The following TEX36 variants were observed in gnomAD, a reference collection of about 807,000 sequenced individuals.
TEX36 encodes the protein testis expressed 36.
Under a neutral mutation model 13.6 loss-of-function variants are expected in TEX36, and 12 were observed. The ratio of observed to expected loss-of-function variants is 0.88; its 90% CI spans 0.56 to 1.43. TEX36 has a LOEUF of 1.43. TEX36 is among the 40% of genes most tolerant of loss of function. The probability of loss-of-function intolerance (pLI) is 0.00; values close to 1 mark genes in which losing one functional copy is unlikely to be tolerated. For missense variants in TEX36, 224 were observed against 228.3 expected (o/e 0.98, Z 0.12); for synonymous variants, 93 against 83.0 (o/e 1.12, Z -0.65).
At chr10:125,682,519 T>C (rs1847412695) in intron 1 of TEX36, among the ~76,000 whole-genome samples, 1 of 152,168 alleles carries the variant, frequency 6.6e-6, no homozygotes, top group Non-Finnish European at 1.5e-5. Flanking sequence ...CCTTCTATGC[T>C]CCAGATCCTG....
intron 3 of TEX36, among the ~76,000 whole-genome samples, chr10:125,583,385 G>T (rs1414651596): frequency 2.0e-5 from 3 of 151,444 alleles, no homozygotes; most frequent in Non-Finnish European, 4.4e-5. Flanking sequence ...TTTTCAAGAT[G>T]GTGCCTCTTG....
At chr10:125,579,740 G>C (rs576383935) in intron 3 of TEX36, among the ~76,000 whole-genome samples, 1 of 151,950 alleles carries the variant, frequency 6.6e-6, no homozygotes, top group African/African-American at 2.4e-5. Context: ...AGTGTGTGGC[G>C]CCTTCCCTTT....
chr10:125,652,449 A>T (rs1474584638), downstream of TEX36, among the ~76,000 whole-genome samples: 1 of 152,144 alleles, frequency 6.6e-6, no homozygotes, highest in Non-Finnish European at 1.5e-5. Context: ...GAAAGCTGAA[A>T]TGGATCTCTT....
In TEX36 at chr10:125,673,688, C is replaced by T. The variant is rs185338077; in HGVS notation, c.51+9251G>A. 6.0e-3 allele frequency among the ~76,000 whole-genome samples: 731 copies of T among 122,244 alleles called. 7 individuals are homozygous for T. Among genetic ancestry groups the T allele is most frequent in the African/African-American group, 0.021 (627 of 30,026 alleles). The allele number at this position is 122,244 out of a possible 152,430, so 80.2% of individuals were successfully genotyped here. On this transcript the variant is annotated intron_variant, in intron 1 of 3. Coordinates refer to ENST00000368821, the MANE Select transcript of TEX36 (RefSeq NM_001128202.3). The stretch of plus-strand genomic sequence containing the variant: ...TCACACTATTGCACTCCAGCCTGGG[C>T]GACGAGAGAGAGACTCTCTCTCAAA...
chr10:125,584,031 C>T (rs912235897), intron 3 of TEX36, among the ~76,000 whole-genome samples: 8 of 152,178 alleles, frequency 5.3e-5, no homozygotes, highest in African/African-American at 1.9e-4. Flanking sequence ...GCCTCAGAGA[C>T]ATCAAATCTT....
At chr10:125,610,746 C>T (rs1174484225) in intron 3 of TEX36, among the ~76,000 whole-genome samples, 1 of 152,106 alleles carries the variant, frequency 6.6e-6, no homozygotes, top group African/African-American at 2.4e-5. Context: ...CCTTCTCTTC[C>T]TGAGATCACA....
At chr10:125,634,033 CT>C (rs1222935334) in intron 3 of TEX36, among the ~76,000 whole-genome samples, 2 of 152,004 alleles carry the variant, frequency 1.3e-5, no homozygotes, top group African/African-American at 2.4e-5. Context: ...AAAAAACTTA[CT>C]TTTTTTGGAG....
chr10:125,655,878 C>T lies in TEX36; in HGVS notation c.*22G>A. ...GATGAAATACCAGTATTACAAAATT[C>T]ATCAAAAATCTTCTGGGAGGATTAG... is the stretch of plus-strand genomic sequence containing the variant. On this transcript the variant is annotated 3_prime_UTR_variant, in exon 4 of 4. Transcript: ENST00000368821. 1 of 1,459,318 alleles carries T rather than the reference C, an allele frequency of 6.9e-7. No homozygotes were observed. The highest frequency in any genetic ancestry group is 1.4e-5 in the South Asian group (1 of 68,982). 90.4% of individuals were successfully genotyped at this position (1,459,318 alleles called of 1,614,324 possible).
chr10:125,668,213 A>G (rs769420210), intron 1 of TEX36, among the ~76,000 whole-genome samples: 5 of 152,024 alleles, frequency 3.3e-5, no homozygotes, highest in African/African-American at 4.8e-5. Flanking sequence ...CTCCTCTTTA[A>G]TATTTTGAAA....
chr10:125,608,845 A>T (rs1846250481), intron 3 of TEX36, among the ~76,000 whole-genome samples: 1 of 151,906 alleles, frequency 6.6e-6, no homozygotes. Context: ...AAAAATTTTA[A>T]AAAGGGAGGC....
chr10:125,623,579 GAAAAAA>G (rs531089481), intron 3 of TEX36, among the ~76,000 whole-genome samples: 1 of 94,166 alleles, frequency 1.1e-5, no homozygotes, highest in Non-Finnish European at 2.5e-5. Context: ...GTTTCCAAAT[GAAAAAA>G]AAAAAAAAAA....
At chr10:125,580,669 T>G (rs966535232) in intron 3 of TEX36, among the ~76,000 whole-genome samples, 3 of 152,148 alleles carry the variant, frequency 2.0e-5, no homozygotes, top group African/African-American at 4.8e-5. Flanking sequence ...CTGGTCCTGG[T>G]CAAAGTCCAA....
chr10:125,590,512 A>G (rs1280158146), intron 3 of TEX36, among the ~76,000 whole-genome samples: 2 of 152,182 alleles, frequency 1.3e-5, no homozygotes, highest in Non-Finnish European at 2.9e-5. Context: ...AAATTTTACA[A>G]AAGCCTTTAG....
intron 3 of TEX36, chr10:125,640,015 A>T (rs1846667070): frequency 3.8e-6 from 1 of 266,650 alleles, no homozygotes; most frequent in African/African-American, 2.3e-5. Flanking sequence ...AATTACAACC[A>T]TGTGTTCTCA....
chr10:125,656,255 T>TC (rs1393262445), intron 3 of TEX36, 59 bp from the exon 4 acceptor site: 1 of 1,298,012 alleles, frequency 7.7e-7, no homozygotes, highest in Non-Finnish European at 9.9e-7. Flanking sequence ...AGTTCTTTTT[T>TC]TTTTTTTTTT....
At chr10:125,665,122 T>A (rs1001136281) in intron 1 of TEX36, among the ~76,000 whole-genome samples, 2 of 152,178 alleles carry the variant, frequency 1.3e-5, no homozygotes, top group African/African-American at 4.8e-5. Context: ...TTGTTTGAGT[T>A]CCCTGTATAT....
rs116850879 is a variant in TEX36 at position 125,601,670 on chromosome 10, C to T, written c.265-24796G>A. 6.6e-3 allele frequency among the ~76,000 whole-genome samples: 1,012 copies of T among 152,324 alleles called. 3 individuals are homozygous for T. Among genetic ancestry groups the T allele is most frequent in the Middle Eastern group, 0.024 (7 of 294 alleles). ...TCCAGTTGCTTCCCACTGCTGATGG[C>T]TCAACTGGGGATCCAGGGCCCCCAC... On this transcript the variant is annotated intron_variant, in intron 3 of 3. Transcript: ENST00000532135.
At chr10:125,651,467 C>T (rs1846856522), downstream of TEX36, among the ~76,000 whole-genome samples, 1 of 152,116 alleles carries the variant, frequency 6.6e-6, no homozygotes, top group African/African-American at 2.4e-5. Flanking sequence ...TAAAAATGCT[C>T]AATAAACTAG....
chr10:125,656,399 G>A (rs1846945570), intron 3 of TEX36, among the ~76,000 whole-genome samples: 1 of 151,766 alleles, frequency 6.6e-6, no homozygotes, highest in African/African-American at 2.4e-5. Context: ...TGGGACTACA[G>A]GTGGACCCCA....
Sources: allele counts gnomAD v4.1 joint callset (sites outside exome capture counted in the v4.1 genomes callset), GRCh38; gene constraint gnomAD v4.1.1; transcripts MANE v1.5; gene names NCBI Gene and HGNC (gene_info 2026-07-23, HGNC 2026-07-21).